The following UBE2D2 variants were observed in gnomAD, a reference collection of about 807,000 sequenced individuals.
The protein encoded by UBE2D2 is ubiquitin conjugating enzyme E2 D2, also known as ubiquitin-conjugating enzyme E2 D2.
In UBE2D2, 2 loss-of-function variants were observed where a neutral mutation model predicts 24.2. The ratio of observed to expected loss-of-function variants is 0.08; its 90% CI spans 0.03 to 0.26. The LOEUF (loss-of-function observed/expected upper bound fraction) is 0.26. Ranked by LOEUF, UBE2D2 falls within the 10% of genes least tolerant of loss-of-function variation. The pLI, the probability that UBE2D2 is intolerant of heterozygous loss-of-function variation, is 1.00. For synonymous variants in UBE2D2, 58 were observed against 56.5 expected, an observed-to-expected ratio of 1.03 and a Z score of -0.12; for missense variants, 44 against 177.6, an observed-to-expected ratio of 0.25 and a Z score of 4.28.
intron 1 of UBE2D2, among the ~76,000 whole-genome samples, chr5:139,584,901 CTTT>C (rs113991993): frequency 3.1e-5 from 4 of 129,636 alleles, no homozygotes; most frequent in Admixed American, 7.8e-5. Context: ...TATAAACTAA[CTTT>C]TTTTTTTTTT....
At chr5:139,604,891 A>C (rs1385623160) in intron 2 of UBE2D2, among the ~76,000 whole-genome samples, 1 of 152,140 alleles carries the variant, frequency 6.6e-6, no homozygotes. Context: ...AAAAAAAAAA[A>C]AAAAACAAGT....
intron 1 of UBE2D2, among the ~76,000 whole-genome samples, chr5:139,577,851 T>C (rs1033443545): frequency 6.6e-6 from 1 of 152,242 alleles, no homozygotes; most frequent in Non-Finnish European, 1.5e-5. Context: ...CTGCGGTACA[T>C]GTGTGATTAG....
chr5:139,557,912 T>A (rs528467553), upstream of UBE2D2, among the ~76,000 whole-genome samples: 1 of 152,126 alleles, frequency 6.6e-6, no homozygotes, highest in Non-Finnish European at 1.5e-5. Flanking sequence ...ATGATTTTTT[T>A]TAAAAAAAGA....
chr5:139,589,738 C>T (rs540972724), intron 1 of UBE2D2, among the ~76,000 whole-genome samples: 1 of 152,170 alleles, frequency 6.6e-6, no homozygotes, highest in East Asian at 1.9e-4. Context: ...TTGTATGAAA[C>T]ATTAACTATA....
At chr5:139,614,134 A>G (rs1754379176) in intron 2 of UBE2D2, among the ~76,000 whole-genome samples, 1 of 152,224 alleles carries the variant, frequency 6.6e-6, no homozygotes, top group Admixed American at 6.5e-5. Context: ...GAGGTAAAGA[A>G]ATAACTGTTT....
intron 1 of UBE2D2, among the ~76,000 whole-genome samples, chr5:139,585,389 G>C (rs1753708162): frequency 6.6e-6 from 1 of 151,694 alleles, no homozygotes; most frequent in Non-Finnish European, 1.5e-5. Context: ...AATTTTTGTT[G>C]TTGTTGTTGT....
At chr5:139,566,909 C>T (rs942950756) in intron 1 of UBE2D2, among the ~76,000 whole-genome samples, 5 of 150,696 alleles carry the variant, frequency 3.3e-5, no homozygotes, top group South Asian at 2.1e-4. Flanking sequence ...TTTTGGCAAC[C>T]GATTCAACTT....
intron 1 of UBE2D2, among the ~76,000 whole-genome samples, chr5:139,566,273 C>T (rs1410389294): frequency 1.3e-5 from 2 of 152,082 alleles, no homozygotes; most frequent in Non-Finnish European, 2.9e-5. Flanking sequence ...TCCGTCTCGG[C>T]CTCCCAAAGT....
At chr5:139,549,734 G>A (rs897064206) in intron 1 of UBE2D2, among the ~76,000 whole-genome samples, 3 of 152,232 alleles carry the variant, frequency 2.0e-5, no homozygotes, top group East Asian at 1.9e-4. Flanking sequence ...GTGCAGCTGC[G>A]CAGAGCGGGA....
chr5:139,578,812 C>G (rs1294574168), intron 1 of UBE2D2, among the ~76,000 whole-genome samples: 3 of 152,120 alleles, frequency 2.0e-5, no homozygotes, highest in Non-Finnish European at 4.4e-5. Flanking sequence ...AGGTTATTGC[C>G]TTTCCATGTA....
chr5:139,550,742 T>C (rs1444694215), intron 1 of UBE2D2, among the ~76,000 whole-genome samples: 1 of 148,290 alleles, frequency 6.7e-6, no homozygotes, highest in Admixed American at 6.9e-5. Flanking sequence ...CGCGCTGCCT[T>C]AAGAGGTGTA....
chr5:139,610,405 G>A (rs1436687504), intron 2 of UBE2D2, among the ~76,000 whole-genome samples: 1 of 151,986 alleles, frequency 6.6e-6, no homozygotes. Context: ...GCCTGGTGTG[G>A]TGGTGTGTGC....
upstream of UBE2D2, among the ~76,000 whole-genome samples, chr5:139,558,262 C>T (rs539933947): frequency 4.5e-4 from 69 of 152,166 alleles, no homozygotes; most frequent in Admixed American, 3.9e-4. Context: ...ATATTTGAAA[C>T]AGGAAAATTC....
At chr5:139,542,695 C>A (rs541117097) in intron 1 of UBE2D2, among the ~76,000 whole-genome samples, 1 of 152,082 alleles carries the variant, frequency 6.6e-6, no homozygotes, top group Admixed American at 6.6e-5. Context: ...CTCACAATAG[C>A]CAAAAGGTAG....
intron 1 of UBE2D2, among the ~76,000 whole-genome samples, chr5:139,586,625 C>T (rs973897755): frequency 5.5e-4 from 84 of 152,094 alleles, no homozygotes; most frequent in African/African-American, 1.1e-3. Flanking sequence ...ATTAGCCGGG[C>T]GTGGTGGTGG....
At chr5:139,577,008 T>A (rs1305895680) in intron 1 of UBE2D2, among the ~76,000 whole-genome samples, 1 of 151,208 alleles carries the variant, frequency 6.6e-6, no homozygotes, top group East Asian at 1.9e-4. Flanking sequence ...TCATATGAAT[T>A]TTGCAAATAG....
chr5:139,591,016 C>T (rs1753835746), intron 1 of UBE2D2, among the ~76,000 whole-genome samples: 2 of 150,884 alleles, frequency 1.3e-5, no homozygotes, highest in African/African-American at 2.4e-5. Flanking sequence ...AGGCTGGTCT[C>T]GAACTCCTGA....
intron 5 of UBE2D2, among the ~76,000 whole-genome samples, chr5:139,618,143 T>C (rs1754452792): frequency 1.3e-5 from 2 of 151,896 alleles, no homozygotes; most frequent in African/African-American, 2.4e-5. Flanking sequence ...CCCAGATAAT[T>C]TTGTATTTTT....
intron 1 of UBE2D2, among the ~76,000 whole-genome samples, chr5:139,528,405 T>C (rs560885730): frequency 6.6e-6 from 1 of 152,194 alleles, no homozygotes; most frequent in South Asian, 2.1e-4. Context: ...GACAAAACTC[T>C]TTACACTCTG....
Sources: allele counts gnomAD v4.1 joint callset (sites outside exome capture counted in the v4.1 genomes callset), GRCh38; gene constraint gnomAD v4.1.1; transcripts MANE v1.5; gene names NCBI Gene and HGNC (gene_info 2026-07-23, HGNC 2026-07-21).